PDE7B: variants seen among roughly 807,000 people sequenced by gnomAD.
The protein encoded by PDE7B is phosphodiesterase 7B.
In PDE7B, 29 loss-of-function variants were observed where a neutral mutation model predicts 56.2. That is an observed-to-expected ratio of 0.52 (90% CI 0.38 to 0.70). The LOEUF (loss-of-function observed/expected upper bound fraction) is 0.70, where lower values mean the gene tolerates loss of function less well. Ranked by LOEUF, PDE7B falls within the 30% of genes least tolerant of loss-of-function variation. PDE7B has a pLI of 0.00. For synonymous variants in PDE7B, 197 were observed against 196.9 expected (o/e 1.00, Z 0.00); for missense variants, 490 against 565.0 (o/e 0.87, Z 1.35).
intron 1 of PDE7B, among the ~76,000 whole-genome samples, chr6:135,922,015 A>G (rs1476755570): frequency 2.0e-5 from 3 of 152,168 alleles, no homozygotes; most frequent in Non-Finnish European, 4.4e-5. Flanking sequence ...TTAGAACTCA[A>G]TTCATGAGGG....
At chr6:136,134,711 G>A (rs554066367) in intron 3 of PDE7B, among the ~76,000 whole-genome samples, 40 of 124,596 alleles carry the variant, frequency 3.2e-4, no homozygotes, top group Non-Finnish European at 5.2e-4. Flanking sequence ...CAACCCATTC[G>A]TTGGGATGGA....
chr6:135,902,939 G>A (rs1355852565), intron 1 of PDE7B, among the ~76,000 whole-genome samples: 2 of 152,118 alleles, frequency 1.3e-5, no homozygotes, highest in Non-Finnish European at 2.9e-5. Flanking sequence ...GGATGAGAGA[G>A]GTTAAATAAT....
chr6:136,096,149 A>T (rs576854983), intron 2 of PDE7B: 4 of 152,318 alleles, frequency 2.6e-5, no homozygotes, highest in African/African-American at 9.6e-5. Flanking sequence ...TCCAGCGGAG[A>T]GTGTGGTGGT....
chr6:135,922,670 G>A (rs1411976634), intron 1 of PDE7B, among the ~76,000 whole-genome samples: 1 of 152,128 alleles, frequency 6.6e-6, no homozygotes, highest in African/African-American at 2.4e-5. Flanking sequence ...ACTGAGGCTG[G>A]ATATATATTA....
intron 8 of PDE7B, among the ~76,000 whole-genome samples, chr6:136,170,692 G>C (rs1050564012): frequency 6.6e-6 from 1 of 152,118 alleles, no homozygotes; most frequent in African/African-American, 2.4e-5. Flanking sequence ...AGATAGAGGG[G>C]GCTGTACCTT....
intron 2 of PDE7B, among the ~76,000 whole-genome samples, chr6:135,971,655 C>A (rs1482884943): frequency 6.6e-6 from 1 of 152,148 alleles, no homozygotes; most frequent in Non-Finnish European, 1.5e-5. Context: ...GACTAGAATT[C>A]AAAAGACATT....
intron 8 of PDE7B, among the ~76,000 whole-genome samples, chr6:136,170,667 A>T (rs922924622): frequency 2.0e-5 from 3 of 152,198 alleles, no homozygotes; most frequent in Non-Finnish European, 1.5e-5. Context: ...ACAGTTATGG[A>T]AGCTATGAAA....
intron 2 of PDE7B, among the ~76,000 whole-genome samples, chr6:136,093,197 G>T (rs1416050461): frequency 6.6e-6 from 1 of 152,106 alleles, no homozygotes; most frequent in Non-Finnish European, 1.5e-5. Flanking sequence ...GCTTGTCAGG[G>T]GTATGTTTAA....
At chr6:136,018,146 T>C (rs1776010149) in intron 2 of PDE7B, among the ~76,000 whole-genome samples, 1 of 152,176 alleles carries the variant, frequency 6.6e-6, no homozygotes, top group Non-Finnish European at 1.5e-5. Flanking sequence ...ATCATTTGAA[T>C]CTCACAGGAA....
chr6:136,192,253 T>A lies in PDE7B; in HGVS notation c.*413T>A, dbSNP rs545829186. ...TCTGCGTGACAGAAACACCAGCATA[T>A]TTGCAACGCCAAGGATATTGGTCTT... On this transcript the variant is annotated 3_prime_UTR_variant, in exon 13 of 13. Coordinates refer to ENST00000308191, the MANE Select transcript of PDE7B (RefSeq NM_018945.4). 1 of 177,532 alleles carries A rather than the reference T, an allele frequency of 5.6e-6. No homozygotes were observed. The highest frequency in any genetic ancestry group is 5.6e-5 in the Admixed American group (1 of 17,906). The allele number at this position is 177,532 out of a possible 1,614,324, so 11.0% of individuals were successfully genotyped here. A position where few individuals can be genotyped will look rare whatever the true frequency, so the allele number is the denominator to read the frequency against.
chr6:135,869,059 A>G (rs1313743232), intron 1 of PDE7B, among the ~76,000 whole-genome samples: 3 of 152,156 alleles, frequency 2.0e-5, no homozygotes, highest in Admixed American at 6.5e-5. Flanking sequence ...ATATGGCCCA[A>G]TCGTGTGTGT....
chr6:136,029,692 TGTA>T (rs891123554), intron 2 of PDE7B, among the ~76,000 whole-genome samples: 10 of 152,066 alleles, frequency 6.6e-5, no homozygotes, highest in Non-Finnish European at 1.2e-4. Flanking sequence ...AGGAGAAAAA[TGTA>T]GTTAAAATTT....
chr6:135,936,348 T>G (rs1379138024), intron 1 of PDE7B, among the ~76,000 whole-genome samples: 2 of 152,178 alleles, frequency 1.3e-5, no homozygotes, highest in East Asian at 3.9e-4. Context: ...TCTATTAACC[T>G]TTTGCTATCT....
At chr6:135,981,527 CT>C (rs1775295935) in intron 2 of PDE7B, among the ~76,000 whole-genome samples, 1 of 150,410 alleles carries the variant, frequency 6.6e-6, no homozygotes, top group Admixed American at 6.6e-5. Context: ...AAAATTACTA[CT>C]TTTCAATTTC....
Position 136,154,152 on chromosome 6 carries a change from C to G in PDE7B, c.556C>G (p.His186Asp), listed in dbSNP as rs772434999. Residue 186 changes from histidine to aspartate, a missense_variant, in exon 7 of 13, where the codon CAC (histidine) becomes GAC (aspartate). Physicochemically the swap from His to Asp is moderately conservative, Grantham distance 81. Transcript: ENST00000308191. ...CGCAGCCGACGTCACCCAGGCCATG[C>G]ACTGCTACCTGAAAGAGCCAAAGGT... ...VHAADVTQAM[H>D]CYLKEPKLAS... is the part of the protein sequence containing the mutation. 2 of 1,612,928 alleles carry G rather than the reference C, an allele frequency of 1.2e-6. No homozygotes were observed. Among genetic ancestry groups the G allele is most frequent in the Non-Finnish European group, 1.7e-6 (2 of 1,179,058 alleles).
chr6:135,913,171 T>G (rs1171571852), intron 1 of PDE7B, among the ~76,000 whole-genome samples: 1 of 152,186 alleles, frequency 6.6e-6, no homozygotes, highest in Non-Finnish European at 1.5e-5. Context: ...AATTGAGTAT[T>G]GATTTTGCAC....
chr6:135,916,308 C>T (rs1185005898), intron 1 of PDE7B, among the ~76,000 whole-genome samples: 4 of 150,930 alleles, frequency 2.7e-5, no homozygotes, highest in African/African-American at 7.3e-5. Context: ...TAATCATGTG[C>T]TTATTGCCCA....
At chr6:135,986,354 C>G (rs1169233766) in intron 2 of PDE7B, among the ~76,000 whole-genome samples, 2 of 152,154 alleles carry the variant, frequency 1.3e-5, no homozygotes, top group Non-Finnish European at 2.9e-5. Context: ...AAAATGGCAG[C>G]CTTTAAAGCA....
At chr6:136,023,236 G>A (rs1029035746) in intron 2 of PDE7B, among the ~76,000 whole-genome samples, 1 of 152,134 alleles carries the variant, frequency 6.6e-6, no homozygotes, top group African/African-American at 2.4e-5. Flanking sequence ...CTGATTAATA[G>A]TTATAGCAGT....
Sources: allele counts gnomAD v4.1 joint callset (sites outside exome capture counted in the v4.1 genomes callset), GRCh38; gene constraint gnomAD v4.1.1; transcripts MANE v1.5; gene names NCBI Gene and HGNC (gene_info 2026-07-23, HGNC 2026-07-21).